The following ZNF236 variants were observed in gnomAD, a reference collection of about 807,000 sequenced individuals.
The protein encoded by ZNF236 is zinc finger protein 236.
A neutral mutation model predicts 191.2 loss-of-function variants in ZNF236; 50 were observed. That is an observed-to-expected ratio of 0.26 (90% CI 0.21 to 0.33). ZNF236 has a LOEUF of 0.33. Among genes scored for constraint, ZNF236 ranks in the 10% least tolerant of loss-of-function variants. ZNF236 has a pLI of 1.00. For missense variants in ZNF236, 1,754 were observed against 2,374.5 expected (o/e 0.74, Z 5.43); for synonymous variants, 907 against 928.8 (o/e 0.98, Z 0.43).
At chr18:76,839,093 A>T (rs1341065916) in intron 1 of ZNF236, among the ~76,000 whole-genome samples, 1 of 152,250 alleles carries the variant, frequency 6.6e-6, no homozygotes, top group Non-Finnish European at 1.5e-5. Context: ...GTATTCCATC[A>T]TAAAATCTCC....
intron 9 of ZNF236, among the ~76,000 whole-genome samples, chr18:76,894,264 C>T (rs1977332274): frequency 6.6e-6 from 1 of 152,186 alleles, no homozygotes; most frequent in Non-Finnish European, 1.5e-5. Flanking sequence ...TTCCACTGTC[C>T]TGCTCCATCC....
intron 1 of ZNF236, chr18:76,834,825 G>T: frequency 2.1e-6 from 1 of 469,650 alleles, no homozygotes. Context: ...ATGTGGGAAG[G>T]TGCATTGAAA....
chr18:76,912,569 G>A (rs376720543), intron 17 of ZNF236, among the ~76,000 whole-genome samples: 2 of 152,242 alleles, frequency 1.3e-5, no homozygotes, highest in Admixed American at 6.5e-5. Context: ...ATTTGGATAC[G>A]GCAGTCTTCA....
intron 16 of ZNF236, 141 bp downstream of exon 16, chr18:76,910,952 C>A: frequency 1.1e-6 from 1 of 872,564 alleles, no homozygotes; most frequent in Non-Finnish European, 1.7e-6. Context: ...ACTGCATTAC[C>A]TGGGAAATCC....
intron 27 of ZNF236, among the ~76,000 whole-genome samples, chr18:76,954,981 T>G (rs1360154344): frequency 6.6e-6 from 1 of 152,280 alleles, no homozygotes; most frequent in Non-Finnish European, 1.5e-5. Context: ...TTATTTCTTA[T>G]ATTCCAGAAT....
chr18:76,964,069 T>C (rs1051733405), intron 30 of ZNF236, among the ~76,000 whole-genome samples: 2 of 152,238 alleles, frequency 1.3e-5, no homozygotes, highest in Admixed American at 1.3e-4. Context: ...CATTTAGTTC[T>C]GCTCTAATCT....
intron 9 of ZNF236, chr18:76,887,289 T>C (rs1385019277): frequency 1.3e-5 from 2 of 152,144 alleles, no homozygotes; most frequent in South Asian, 4.2e-4. Flanking sequence ...GGAGAATGGC[T>C]TGAACCCAGG....
At chr18:76,904,884 T>A (rs1977696712) in intron 12 of ZNF236, among the ~76,000 whole-genome samples, 1 of 152,220 alleles carries the variant, frequency 6.6e-6, no homozygotes, top group Non-Finnish European at 1.5e-5. Context: ...ACCTTGATCA[T>A]GAGAGACAGT....
chr18:76,835,610 T>TGA (rs938594599), intron 1 of ZNF236, among the ~76,000 whole-genome samples: 1 of 152,172 alleles, frequency 6.6e-6, no homozygotes, highest in African/African-American at 2.4e-5. Flanking sequence ...ACCTGCACCA[T>TGA]GACTGCTTTG....
chr18:76,928,858 G>A (rs964594028), intron 25 of ZNF236, among the ~76,000 whole-genome samples: 3 of 151,610 alleles, frequency 2.0e-5, no homozygotes, highest in Non-Finnish European at 4.4e-5. Context: ...AATTTTTAGA[G>A]CCCTTACTAT....
intron 19 of ZNF236, among the ~76,000 whole-genome samples, chr18:76,916,583 A>G (rs889222029): frequency 2.6e-5 from 4 of 152,252 alleles, no homozygotes; most frequent in Non-Finnish European, 4.4e-5. Context: ...TTTTGTACTT[A>G]TAAGACAACT....
intron 28 of ZNF236, among the ~76,000 whole-genome samples, chr18:76,959,167 C>T (rs549263891): frequency 5.3e-4 from 81 of 152,324 alleles, no homozygotes; most frequent in African/African-American, 1.8e-3. Context: ...ACCGGGAGAA[C>T]GCACTTCAGA....
intron 9 of ZNF236, among the ~76,000 whole-genome samples, chr18:76,891,515 C>T (rs772382674): frequency 8.6e-5 from 13 of 152,018 alleles, no homozygotes; most frequent in Non-Finnish European, 1.6e-4. Flanking sequence ...TAGGACTATA[C>T]GTGTGCACCA....
chr18:76,965,979 A>G (rs1405115805), intron 30 of ZNF236, among the ~76,000 whole-genome samples: 1 of 151,920 alleles, frequency 6.6e-6, no homozygotes, highest in Non-Finnish European at 1.5e-5. Flanking sequence ...TTCCGCTTCC[A>G]GGGTGGGTAG....
At chr18:76,961,271 C>T (rs1453276597) in intron 30 of ZNF236, among the ~76,000 whole-genome samples, 1 of 151,988 alleles carries the variant, frequency 6.6e-6, no homozygotes, top group Non-Finnish European at 1.5e-5. Flanking sequence ...GTTTTCCATT[C>T]CTGTGTTACT....
chr18:76,908,009 G>C (rs1967105610), intron 13 of ZNF236, among the ~76,000 whole-genome samples: 1 of 152,124 alleles, frequency 6.6e-6, no homozygotes, highest in South Asian at 2.1e-4. Context: ...AGTTGGGAGA[G>C]TTTTACTTTT....
At chr18:76,947,695 A>G in intron 27 of ZNF236, 43 bp downstream of exon 27, 4 of 1,602,034 alleles carry the variant, frequency 2.5e-6, no homozygotes, top group Non-Finnish European at 3.4e-6. Context: ...GTCGCTTTTA[A>G]AAACATACAG....
intron 19 of ZNF236, among the ~76,000 whole-genome samples, chr18:76,917,627 C>T (rs1348420672): frequency 6.6e-6 from 1 of 152,176 alleles, no homozygotes; most frequent in African/African-American, 2.4e-5. Flanking sequence ...GTGACGTTAG[C>T]CTGCTTGGCC....
intron 26 of ZNF236, among the ~76,000 whole-genome samples, chr18:76,941,438 G>C (rs1361141353): frequency 6.6e-6 from 1 of 152,174 alleles, no homozygotes; most frequent in Non-Finnish European, 1.5e-5. Flanking sequence ...GCTACGCCAC[G>C]TGGACTTGGG....
Sources: allele counts gnomAD v4.1 joint callset (sites outside exome capture counted in the v4.1 genomes callset), GRCh38; gene constraint gnomAD v4.1.1; transcripts MANE v1.5; gene names NCBI Gene and HGNC (gene_info 2026-07-23, HGNC 2026-07-21).